Variants in MYOF observed in about 807,000 individuals in gnomAD.
The protein encoded by MYOF is fer-1-like 3, myoferlin.
MYOF carries 244 observed loss-of-function variants against 284.2 expected under a neutral mutation model. That is an observed-to-expected ratio of 0.86 (90% CI 0.77 to 0.95). The LOEUF is 0.95. Among genes scored for constraint, MYOF ranks in the 40% least tolerant of loss-of-function variants. The pLI, the probability that MYOF is intolerant of heterozygous loss-of-function variation, is 0.00. For missense variants in MYOF, 2,496 were observed against 2,560.6 expected (o/e 0.97, Z 0.54); for synonymous variants, 904 against 919.7 (o/e 0.98, Z 0.31).
At chr10:93,469,405 G>GC (rs1554873981) in intron 1 of MYOF, among the ~76,000 whole-genome samples, 4 of 146,504 alleles carry the variant, frequency 2.7e-5, no homozygotes, top group Non-Finnish European at 4.5e-5. Context: ...CATCTCTGAA[G>GC]AAAAAAAAAA....
At chr10:93,455,314 C>A (rs199631144) in intron 2 of MYOF, among the ~76,000 whole-genome samples, 5 of 146,874 alleles carry the variant, frequency 3.4e-5, no homozygotes, top group Non-Finnish European at 6.0e-5. Context: ...AACAAAAAAA[C>A]AAAAAAAGAA....
chr10:93,457,844 C>T (rs2056780588), intron 1 of MYOF, among the ~76,000 whole-genome samples: 1 of 151,712 alleles, frequency 6.6e-6, no homozygotes, highest in Non-Finnish European at 1.5e-5. Context: ...GAGATCCTCC[C>T]ACCTCGGCGC....
intron 19 of MYOF, among the ~76,000 whole-genome samples, chr10:93,382,012 G>A (rs1589474010): frequency 6.6e-6 from 1 of 151,902 alleles, no homozygotes; most frequent in East Asian, 1.9e-4. Context: ...ATCCAGCCTG[G>A]GTGACAGAGC....
intron 9 of MYOF, 106 bp from the exon 10 acceptor site, chr10:93,402,996 A>C (rs1414119181): frequency 7.2e-6 from 7 of 971,844 alleles, no homozygotes; most frequent in Admixed American, 6.2e-5. Flanking sequence ...ATTACACTTA[A>C]ATTTCCTTGA....
rs968569758 is a variant in MYOF, at chr10:93,372,875, A to G, written c.2457+55T>C. 3.1e-6 allele frequency: 5 copies of G among 1,595,782 alleles called. No homozygotes were observed. The African/African-American group carries it at 6.7e-5, about 21-fold the overall frequency. The stretch of plus-strand genomic sequence containing the variant: ...AAATGATATAAAGCAGACCCTTCTC[A>G]GGAATACAGCTTTTGCATTTAGTGT... On this transcript the variant is annotated intron_variant, in intron 24 of 53. Coordinates refer to ENST00000359263, the MANE Select transcript of MYOF (RefSeq NM_013451.4).
intron 3 of MYOF, among the ~76,000 whole-genome samples, chr10:93,432,292 A>T (rs1168436194): frequency 6.6e-6 from 1 of 151,952 alleles, no homozygotes; most frequent in Admixed American, 6.6e-5. Context: ...GAAGAATAAG[A>T]TGGGAAGCTC....
At chr10:93,438,098 C>G (rs372526924) in intron 3 of MYOF, among the ~76,000 whole-genome samples, 1 of 152,108 alleles carries the variant, frequency 6.6e-6, no homozygotes, top group East Asian at 1.9e-4. Context: ...TCTCTGCCAT[C>G]CCCCACGTGA....
intron 51 of MYOF, 122 bp downstream of exon 51, chr10:93,312,898 C>T: frequency 1.9e-6 from 2 of 1,065,464 alleles, no homozygotes; most frequent in Non-Finnish European, 1.3e-6. Flanking sequence ...GTTCCCATAA[C>T]TTAAACTCCC....
intron 31 of MYOF, among the ~76,000 whole-genome samples, chr10:93,354,416 G>A (rs1242584009): frequency 1.3e-5 from 2 of 152,048 alleles, no homozygotes; most frequent in Non-Finnish European, 2.9e-5. Flanking sequence ...ACTACAGTAA[G>A]CTCAATGCAA....
chr10:93,453,978 T>C (rs1255143560), intron 2 of MYOF, among the ~76,000 whole-genome samples: 1 of 151,730 alleles, frequency 6.6e-6, no homozygotes, highest in Non-Finnish European at 1.5e-5. Context: ...AGGTCAGGAG[T>C]TCGAGACCAG....
rs1564651952 is a variant in MYOF at position 93,364,090 on chromosome 10, G to C, written c.2754-15C>G. On this transcript the variant is annotated splice_polypyrimidine_tract_variant and intron_variant, in intron 26 of 53. Coordinates refer to ENST00000359263, the MANE Select transcript of MYOF (RefSeq NM_013451.4). ...CAGTCAGCAAGCTGTGGGGCGGGGA[G>C]GGCTCAAGTTACCCAAGGAGACCGG... The C allele has an allele frequency of 6.2e-7, 1 of 1,610,790 alleles. No individual in the cohort carries two copies. The highest frequency in any genetic ancestry group is 1.7e-5 in the Admixed American group (1 of 60,000).
At chr10:93,404,396 G>A (rs1847451235) in intron 7 of MYOF, among the ~76,000 whole-genome samples, 177 bp from the exon 8 acceptor site, 1 of 152,132 alleles carries the variant, frequency 6.6e-6, no homozygotes, top group Non-Finnish European at 1.5e-5. Flanking sequence ...TAAGCTTCAT[G>A]GTAAACCCAC....
intron 7 of MYOF, among the ~76,000 whole-genome samples, chr10:93,407,739 A>T (rs1847681876): frequency 3.7e-5 from 1 of 27,274 alleles, no homozygotes; most frequent in African/African-American, 4.8e-5. Flanking sequence ...CTCTGTCTCA[A>T]AAAAAAAAAA....
chr10:93,399,277 C>G (rs1847164881), intron 13 of MYOF, 115 bp downstream of exon 13: 1 of 742,410 alleles, frequency 1.3e-6, no homozygotes, highest in Non-Finnish European at 2.2e-6. Flanking sequence ...CTCAGAGTGC[C>G]TGGCTCATCA....
chr10:93,347,752 G>C lies in MYOF; in HGVS notation c.4114C>G (p.Pro1372Ala). Reference protein sequence around the residue: ...FLPKEELYMPPLVIKVIDHRQ... With the variant: ...FLPKEELYMPALVIKVIDHRQ... ...TGGTCGATGACCTTGATCACCAGTG[G>C]GGGCATGTACAATTCCTCCTTGGGC... is the stretch of plus-strand genomic sequence containing the variant. Residue 1372 changes from proline (P) to alanine (A), a missense_variant, in exon 37 of 54, where the codon CCA becomes GCA. Transcript: ENST00000359263. 3 of 1,613,940 alleles carry C rather than the reference G, an allele frequency of 1.9e-6. No individual in the cohort carries two copies. The highest frequency in any genetic ancestry group is 2.5e-6 in the Non-Finnish European group (3 of 1,179,930).
Position 93,417,196 on chromosome 10 carries a change from C to A in MYOF, c.434-7457G>T, listed in dbSNP as rs543731364. 2.0e-4 allele frequency among the ~76,000 whole-genome samples: 31 copies of A among 152,296 alleles called. 1 individual carries two copies. In the East Asian group the frequency reaches 5.8e-3, roughly 28 times the overall value. On this transcript the variant is annotated intron_variant, in intron 5 of 53. Coordinates refer to ENST00000359263, the MANE Select transcript of MYOF (RefSeq NM_013451.4). The stretch of plus-strand genomic sequence containing the variant: ...TATAATGTCACTTGGTCAAATCCTA[C>A]AAAGCTTCTCACTGCATCCAACACT...
intron 29 of MYOF, 48 bp from the exon 30 acceptor site, chr10:93,356,896 T>G: frequency 3.6e-5 from 53 of 1,484,832 alleles, no homozygotes; most frequent in African/African-American, 7.0e-5. Context: ...GATGATGATA[T>G]TCCTTATTTT....
Position 93,453,773 on chromosome 10 carries a change from T to C in MYOF, c.145-1632A>G, listed in dbSNP as rs57866248. ...AGTGGTGTGTGCCTGTAGTCCCAGC[T>C]GCTTGGGAGGCTGAGTGGGGAGGAT... On this transcript the variant is annotated intron_variant, in intron 2 of 53. Coordinates refer to ENST00000359263, the MANE Select transcript of MYOF (RefSeq NM_013451.4). Among the ~76,000 whole-genome samples the C allele has an allele frequency of 3.2e-3, 491 of 152,242 alleles. 2 individuals carry two copies. Among genetic ancestry groups the C allele is most frequent in the African/African-American group, 0.012 (480 of 41,564 alleles).
In MYOF at chr10:93,313,359, T is replaced by A. The variant is rs117442233; in HGVS notation, c.5699-149A>T. On this transcript the variant is annotated intron_variant, in intron 50 of 53. Transcript: ENST00000359263. The stretch of plus-strand genomic sequence containing the variant: ...TTAGAGAAAGGGAGCCTGGTGGACA[T>A]TTAAAGTCTTTCCAGTTAGGAAGGA... The A allele has an allele frequency of 2.6e-4, 175 of 678,004 alleles. No individual in the cohort carries two copies. The East Asian group carries it at 4.3e-3, about 17-fold the overall frequency. 42.0% of individuals were successfully genotyped at this position (678,004 alleles called of 1,614,324 possible).
Sources: gnomAD v4.1 joint callset for allele counts (sites outside exome capture counted in the v4.1 genomes callset) on GRCh38, gnomAD v4.1.1 for gene constraint, MANE v1.5 for transcripts, NCBI Gene and HGNC (gene_info 2026-07-23, HGNC 2026-07-21) for gene names.